Variants in LEKR1 observed in about 807,000 individuals in gnomAD.
The protein encoded by LEKR1 is leucine, glutamate and lysine rich 1, also known as protein LEKR1.
Under a neutral mutation model 72.4 loss-of-function variants are expected in LEKR1, and 59 were observed. The ratio of observed to expected loss-of-function variants is 0.82; its 90% CI spans 0.66 to 1.01. LEKR1 has a LOEUF of 1.01. Ranked by LOEUF, LEKR1 falls within the 50% of genes least tolerant of loss-of-function variation. The pLI is 0.00. For synonymous variants in LEKR1, 257 were observed against 263.2 expected, an observed-to-expected ratio of 0.98 and a Z score of 0.23; for missense variants, 728 against 759.2, an observed-to-expected ratio of 0.96 and a Z score of 0.48.
chr3:157,012,038 T>C (rs1732933988), intron 10 of LEKR1, among the ~76,000 whole-genome samples: 1 of 152,120 alleles, frequency 6.6e-6, no homozygotes, highest in Non-Finnish European at 1.5e-5. Flanking sequence ...CTTTGGACTT[T>C]TTTATAGTTT....
chr3:156,903,697 A>G (rs1722252075), intron 3 of LEKR1, among the ~76,000 whole-genome samples: 1 of 152,198 alleles, frequency 6.6e-6, no homozygotes, highest in African/African-American at 2.4e-5. Flanking sequence ...TAGAGGGTCA[A>G]CTTTATTCTC....
At chr3:156,886,767 T>C (rs1417589921) in intron 3 of LEKR1, among the ~76,000 whole-genome samples, 1 of 152,368 alleles carries the variant, frequency 6.6e-6, no homozygotes, top group South Asian at 2.1e-4. Flanking sequence ...CCTTCACACT[T>C]TGGCAACTCA....
intron 3 of LEKR1, among the ~76,000 whole-genome samples, chr3:156,854,235 C>T (rs1372204357): frequency 6.9e-6 from 1 of 145,538 alleles, no homozygotes; most frequent in East Asian, 2.0e-4. Flanking sequence ...CCTCTGCCTT[C>T]CAGGTTCAAG....
At chr3:156,847,157 G>A (rs1472319293) in intron 2 of LEKR1, among the ~76,000 whole-genome samples, 1 of 152,180 alleles carries the variant, frequency 6.6e-6, no homozygotes, top group Non-Finnish European at 1.5e-5. Context: ...CAGCAGGAAG[G>A]TACTAAGTAG....
chr3:156,920,719 T>C, intron 4 of LEKR1, 25 bp downstream of exon 4: 1 of 1,232,672 alleles, frequency 8.1e-7, no homozygotes, highest in Non-Finnish European at 1.1e-6. Flanking sequence ...CTGAAAATTA[T>C]AAAGATTGAA....
intron 9 of LEKR1, 42 bp from the exon 10 acceptor site, chr3:157,011,370 TA>T (rs776257099): frequency 1.6e-6 from 2 of 1,283,990 alleles, no homozygotes; most frequent in Non-Finnish European, 2.3e-6. Context: ...GGAATTGTGT[TA>T]GGGGTAAGTA....
intron 3 of LEKR1, among the ~76,000 whole-genome samples, chr3:156,880,175 A>C (rs190879419): frequency 1.3e-5 from 2 of 152,230 alleles, no homozygotes; most frequent in African/African-American, 4.8e-5. Context: ...AAAGCAGCAA[A>C]GAGTGGGGCT....
At chr3:157,007,870 C>T (rs1732584321) in intron 9 of LEKR1, among the ~76,000 whole-genome samples, 1 of 152,098 alleles carries the variant, frequency 6.6e-6, no homozygotes, top group South Asian at 2.1e-4. Context: ...TAAAGTAAAA[C>T]AGTCAGGTGG....
At chr3:156,843,059 C>T (rs1055510109) in intron 2 of LEKR1, among the ~76,000 whole-genome samples, 2 of 152,128 alleles carry the variant, frequency 1.3e-5, no homozygotes, top group Admixed American at 6.5e-5. Context: ...TCCCTGACCT[C>T]GGATAACCAG....
chr3:156,949,790 C>T (rs1221649829), intron 6 of LEKR1, among the ~76,000 whole-genome samples: 2 of 151,290 alleles, frequency 1.3e-5, no homozygotes, highest in African/African-American at 4.8e-5. Flanking sequence ...AGTTTACTCA[C>T]ATTTAGTTAA....
chr3:156,850,861 T>C (rs1035425199), intron 2 of LEKR1, among the ~76,000 whole-genome samples: 1 of 152,158 alleles, frequency 6.6e-6, no homozygotes, highest in Non-Finnish European at 1.5e-5. Context: ...AGGAAATAAT[T>C]GGTATATTCA....
At position 156,852,820 on chromosome 3, in the gene LEKR1, T is replaced by G. The variant is rs2108538038; in HGVS notation, c.101T>G (p.Leu34Arg). ...TACTGTGGAGTCAGCTATCTAATTC[T>G]TCATGAATTTAAGGCTATGGAAGAA... Reference protein sequence around the residue: ...CKYCGVSYLILHEFKAMEEKV... With the variant: ...CKYCGVSYLIRHEFKAMEEKV... Residue 34 changes from leucine to arginine, a missense_variant, in exon 3 of 13, where the codon CTT becomes CGT. Physicochemically the swap from Leu to Arg is moderately radical, Grantham distance 102 (BLOSUM62 -2). Coordinates refer to ENST00000356539, the MANE Select transcript of LEKR1 (RefSeq NM_001004316.3). 2 of 1,535,504 alleles carry G rather than the reference T, an allele frequency of 1.3e-6. No homozygotes were observed. The highest frequency in any genetic ancestry group is 1.7e-4 in the Middle Eastern group (1 of 5,972).
At chr3:156,897,057 G>C (rs1019883107) in intron 3 of LEKR1, among the ~76,000 whole-genome samples, 1 of 152,134 alleles carries the variant, frequency 6.6e-6, no homozygotes, top group African/African-American at 2.4e-5. Flanking sequence ...GAGGATAGAG[G>C]GTAGGAGGAA....
chr3:156,882,303 A>G (rs1224451448), intron 3 of LEKR1, among the ~76,000 whole-genome samples: 2 of 151,128 alleles, frequency 1.3e-5, no homozygotes, highest in South Asian at 4.2e-4. Context: ...ACAAATTTAC[A>G]AGAAAAAAAC....
intron 6 of LEKR1, chr3:156,977,492 C>G (rs1729799204): frequency 1.4e-5 from 6 of 442,544 alleles, no homozygotes; most frequent in Admixed American, 5.8e-5. Flanking sequence ...GCAAGAGAAT[C>G]TCCCTTAGGT....
At chr3:156,964,382 TCTCA>T (rs1335703314) in intron 6 of LEKR1, among the ~76,000 whole-genome samples, 1 of 152,174 alleles carries the variant, frequency 6.6e-6, no homozygotes. Context: ...AGATAGTTGT[TCTCA>T]CTCTTTTTTA....
chr3:156,848,121 GAGA>G (rs1714854918), intron 2 of LEKR1, among the ~76,000 whole-genome samples: 1 of 152,144 alleles, frequency 6.6e-6, no homozygotes, highest in African/African-American at 2.4e-5. Context: ...TTTTCAAATT[GAGA>G]AGAAGAAACT....
At chr3:156,865,967 C>G (rs1717265951) in intron 3 of LEKR1, among the ~76,000 whole-genome samples, 1 of 152,014 alleles carries the variant, frequency 6.6e-6, no homozygotes, top group Non-Finnish European at 1.5e-5. Flanking sequence ...TTTGTTTTCC[C>G]TTTTATAATG....
intron 3 of LEKR1, among the ~76,000 whole-genome samples, chr3:156,903,691 G>T (rs1450964868): frequency 6.6e-6 from 1 of 152,144 alleles, no homozygotes. Context: ...CTTCTCTAGA[G>T]GGTCAACTTT....
Sources: gnomAD v4.1 joint callset for allele counts (sites outside exome capture counted in the v4.1 genomes callset) on GRCh38, gnomAD v4.1.1 for gene constraint, MANE v1.5 for transcripts, NCBI Gene and HGNC (gene_info 2026-07-23, HGNC 2026-07-21) for gene names.